ASPM: variants seen among roughly 807,000 people sequenced by gnomAD.
ASPM encodes abnormal spindle-like microcephaly-associated protein.
A neutral mutation model predicts 366.4 loss-of-function variants in ASPM; 256 were observed. The observed-to-expected ratio is 0.70, with a 90% CI of 0.63 to 0.77. ASPM has a LOEUF of 0.77. ASPM is among the 30% of genes least tolerant of loss of function. The probability of loss-of-function intolerance (pLI) is 0.00; values close to 1 mark genes in which losing one functional copy is unlikely to be tolerated. For synonymous variants in ASPM, 1,414 were observed against 1,342.9 expected, an observed-to-expected ratio of 1.05 and a Z score of -1.16; for missense variants, 4,146 against 4,090.4, an observed-to-expected ratio of 1.01 and a Z score of -0.37.
In ASPM at chr1:197,104,851, G is replaced by C; in HGVS notation, c.4400C>G (p.Ser1467Cys). 6.3e-7 allele frequency: 1 copy of C among 1,599,316 alleles called. No individual in the cohort carries two copies. Among genetic ancestry groups the C allele is most frequent in the Non-Finnish European group, 8.5e-7 (1 of 1,173,748 alleles). Residue 1467 changes from serine to cysteine, a missense_variant, in exon 18 of 28, where the codon TCT (serine) becomes TGT (cysteine). Around this residue, in one of 3 missense-constraint regions of ASPM, gnomAD observed 3,624 missense variants for 3,591.7 expected, o/e 1.01. Coordinates refer to ENST00000367409, the MANE Select transcript of ASPM (RefSeq NM_018136.5). Reference protein sequence around the residue: ...HLRKQAKEENSAIIIQSWYRM... With the variant: ...HLRKQAKEENCAIIIQSWYRM... Reference sequence around the variant, plus strand: ...ATACCATGATTGTATGATAATAGCAGAATTTTCTTCTTTAGCTTGTTTTCT... The same window carrying C: ...ATACCATGATTGTATGATAATAGCACAATTTTCTTCTTTAGCTTGTTTTCT...
intron 1 of ASPM, among the ~76,000 whole-genome samples, 154 bp downstream of exon 1, chr1:197,145,987 C>T (rs759068956): frequency 6.6e-6 from 1 of 152,030 alleles, no homozygotes; most frequent in Non-Finnish European, 1.5e-5. Context: ...TTTCCAAGAG[C>T]CACCCACAGT....
chr1:197,087,182 C>A (rs1656620174), intron 26 of ASPM, among the ~76,000 whole-genome samples: 1 of 152,002 alleles, frequency 6.6e-6, no homozygotes, highest in South Asian at 2.1e-4. Flanking sequence ...TCACGCCATT[C>A]TCCTGCCTCA....
intron 16 of ASPM, among the ~76,000 whole-genome samples, chr1:197,118,587 T>C (rs1024697817): frequency 1.3e-5 from 2 of 152,138 alleles, no homozygotes; most frequent in African/African-American, 4.8e-5. Context: ...ATACCCCCCA[T>C]ATCTCTACTT....
chr1:197,091,963 GT>G lies in ASPM; in HGVS notation c.9387del (p.Lys3129AsnfsTer6). On this transcript the variant is annotated frameshift_variant, in exon 22 of 28. Coordinates refer to ENST00000367409, the MANE Select transcript of ASPM (RefSeq NM_018136.5). LOFTEE classifies it high-confidence loss of function. Reference protein sequence around the residue: ...LNAVRIQRAYKLYLAVKNANK... With the variant: ...LNAVRIQRAYXLYLAVKNANK... ...TTAGCATTCTTCACAGCCAGGTAAAGTTTATAGGCTCTTTGAATTCTAACAG... is the reference window on the plus strand; with the variant it reads ...TTAGCATTCTTCACAGCCAGGTAAAGTTATAGGCTCTTTGAATTCTAACAG... 6.2e-7 allele frequency: 1 copy of G among 1,611,760 alleles called. No homozygotes were observed. The highest frequency in any genetic ancestry group is 8.5e-7 in the Non-Finnish European group (1 of 1,178,870).
At chr1:197,110,700 C>T (rs957640667) in intron 17 of ASPM, among the ~76,000 whole-genome samples, 1 of 151,676 alleles carries the variant, frequency 6.6e-6, no homozygotes, top group African/African-American at 2.4e-5. Flanking sequence ...GACAAATGGA[C>T]CAATTGAATA....
At position 197,090,360 on chromosome 1, in the gene ASPM, TTCC is replaced by T. The variant is rs764745087; in HGVS notation, c.9662_9664del (p.Arg3221del). On this transcript the variant is annotated inframe_deletion, in exon 24 of 28. Coordinates refer to ENST00000367409, the MANE Select transcript of ASPM (RefSeq NM_018136.5). ...TTTAATTTTTGTACAATCATTTTTC[TTCC>T]TCCAAGAATAGCCTCTCCATAATGC... is the stretch of plus-strand genomic sequence containing the variant. 1 of 1,611,396 alleles carries T rather than the reference TTCC, an allele frequency of 6.2e-7. No individual in the cohort carries two copies. Among genetic ancestry groups the T allele is most frequent in the Non-Finnish European group, 8.5e-7 (1 of 1,178,438 alleles).
chr1:197,089,680 T>A (rs1398527419), intron 25 of ASPM, among the ~76,000 whole-genome samples: 2 of 152,048 alleles, frequency 1.3e-5, no homozygotes, highest in East Asian at 3.8e-4. Context: ...ACTTAATAAC[T>A]TTTAATCATC....
intron 7 of ASPM, 46 bp downstream of exon 7, chr1:197,132,239 A>G: frequency 1.4e-6 from 2 of 1,414,712 alleles, no homozygotes; most frequent in Non-Finnish European, 1.9e-6. Context: ...TACAAAAAGT[A>G]TATAATAAAA....
At chr1:197,093,833 C>T (rs185605848) in intron 20 of ASPM, among the ~76,000 whole-genome samples, 5 of 151,634 alleles carry the variant, frequency 3.3e-5, no homozygotes, top group African/African-American at 9.7e-5. Flanking sequence ...CACCATAAAG[C>T]GAAGTACAAT....
At chr1:197,137,153 G>T (rs899418641) in intron 4 of ASPM, among the ~76,000 whole-genome samples, 5 of 152,078 alleles carry the variant, frequency 3.3e-5, no homozygotes, top group African/African-American at 1.2e-4. Flanking sequence ...GAAGATAAAG[G>T]TCCCTCAGCA....
intron 1 of ASPM, among the ~76,000 whole-genome samples, chr1:197,145,939 G>A (rs933503248): frequency 6.6e-6 from 1 of 151,776 alleles, no homozygotes; most frequent in Non-Finnish European, 1.5e-5. Context: ...TATTGAAAAG[G>A]AACTGACTTC....
intron 4 of ASPM, among the ~76,000 whole-genome samples, chr1:197,137,067 G>T (rs1394387207): frequency 1.3e-5 from 2 of 151,994 alleles, no homozygotes; most frequent in Non-Finnish European, 2.9e-5. Context: ...TTTTTATAAG[G>T]TAGATATTAT....
chr1:197,144,917 T>C (rs549802614), intron 1 of ASPM, among the ~76,000 whole-genome samples: 1 of 152,386 alleles, frequency 6.6e-6, no homozygotes, highest in East Asian at 1.9e-4. Flanking sequence ...GGTGCATTTT[T>C]ACTCTATAAA....
At chr1:197,140,369 A>G (rs1343717802) in intron 3 of ASPM, among the ~76,000 whole-genome samples, 4 of 152,248 alleles carry the variant, frequency 2.6e-5, no homozygotes, top group Non-Finnish European at 5.9e-5. Flanking sequence ...ATGACATACA[A>G]GAGGCTAGAA....
chr1:197,142,189 C>T (rs1658605953), intron 3 of ASPM, 142 bp downstream of exon 3: 5 of 863,086 alleles, frequency 5.8e-6, no homozygotes, highest in East Asian at 2.4e-5. Context: ...GTCACATAAG[C>T]TGTATTCACA....
intron 15 of ASPM, 50 bp from the exon 16 acceptor site, chr1:197,122,093 G>A (rs776920323): frequency 5.0e-6 from 8 of 1,600,440 alleles, no homozygotes; most frequent in Non-Finnish European, 3.4e-6. Flanking sequence ...AGAGAATACA[G>A]TACTTACTAT....
intron 18 of ASPM, among the ~76,000 whole-genome samples, chr1:197,096,666 A>G (rs1428173533): frequency 6.6e-6 from 1 of 151,742 alleles, no homozygotes; most frequent in Non-Finnish European, 1.5e-5. Context: ...AACCTTCTGG[A>G]AGACTAAAGG....
At chr1:197,143,918 A>C (rs1355968958) in intron 2 of ASPM, 39 bp downstream of exon 2, 1 of 1,569,410 alleles carries the variant, frequency 6.4e-7, no homozygotes, top group Non-Finnish European at 8.7e-7. Context: ...ATTATTAAAC[A>C]ATTTCTTAGA....
rs201254318 is a variant in ASPM at position 197,129,990 on chromosome 1, G to A, written c.2554C>T (p.Leu852=). 6.2e-7 allele frequency: 1 copy of A among 1,613,996 alleles called. No individual in the cohort carries two copies. Among genetic ancestry groups the A allele is most frequent in the African/African-American group, 1.3e-5 (1 of 75,050 alleles). ...TCAGGATTCCAAAGTAGGCGATTCA[G>A]AATAAACATAGCCAACCCTGTGACA... ...SDVTGLAMFI[L]NRLLWNPDIA... Residue 852 remains leucine, a synonymous_variant, in exon 8 of 28, where the codon CTG becomes TTG. Transcript: ENST00000367409.
Sources: gnomAD v4.1 joint callset for allele counts (sites outside exome capture counted in the v4.1 genomes callset) on GRCh38, gnomAD v4.1.1 for gene constraint, gnomAD v4.1.1 regional missense constraint, MANE v1.5 for transcripts, NCBI Gene and HGNC (gene_info 2026-07-23, HGNC 2026-07-21) for gene names.